Variants in NUDT19 observed in about 807,000 individuals in gnomAD.
NUDT19 encodes nudix hydrolase 19.
NUDT19 carries 31 observed loss-of-function variants against 22.2 expected under a neutral mutation model. The observed-to-expected ratio is 1.40, with a 90% CI of 1.05 to 1.89. NUDT19 has a LOEUF of 1.89. Among genes scored for constraint, NUDT19 ranks in the 40% most tolerant of loss-of-function variants. NUDT19 has a pLI of 0.00. For synonymous variants in NUDT19, 325 were observed against 230.8 expected (o/e 1.41, Z -3.70); for missense variants, 752 against 514.2 (o/e 1.46, Z -4.47).
chr19:32,695,645 C>G (rs1284549709), intron 1 of NUDT19, among the ~76,000 whole-genome samples: 4 of 152,170 alleles, frequency 2.6e-5, no homozygotes, highest in African/African-American at 7.2e-5. Flanking sequence ...CTGCCGTTCT[C>G]CCTTCTCCTT....
At chr19:32,710,880 C>T (rs137986717) in intron 2 of NUDT19, among the ~76,000 whole-genome samples, 1,535 of 144,822 alleles carry the variant, frequency 0.011, 27 homozygotes, top group African/African-American at 0.038. Context: ...GCAACAAGAG[C>T]GAAACTCCAT....
At chr19:32,698,079 G>C (rs1408624329) in intron 1 of NUDT19, among the ~76,000 whole-genome samples, 1 of 152,224 alleles carries the variant, frequency 6.6e-6, no homozygotes, top group Non-Finnish European at 1.5e-5. Flanking sequence ...ATGGAGGTAA[G>C]CTGAGAGGTC....
rs781684053 is a variant in NUDT19 at position 32,692,180 on chromosome 19, G to T, written c.220G>T (p.Ala74Ser). 6.4e-7 allele frequency: 1 copy of T among 1,551,700 alleles called. No homozygotes were observed. Among genetic ancestry groups the T allele is most frequent in the Non-Finnish European group, 8.6e-7 (1 of 1,159,872 alleles). ...GGVLDAADRSADWLGLFAPHH... is the reference protein window; with the variant it reads ...GGVLDAADRSSDWLGLFAPHH... ...AGTGCTGGATGCGGCCGACCGCTCGGCGGACTGGCTGGGCCTCTTCGCGCC... is the reference window on the plus strand; with the variant it reads ...AGTGCTGGATGCGGCCGACCGCTCGTCGGACTGGCTGGGCCTCTTCGCGCC... Residue 74 changes from alanine to serine, a missense_variant, in exon 1 of 3, where the codon GCG (alanine) becomes TCG (serine). Ala to Ser is a moderately conservative substitution (Grantham distance 99). Transcript: ENST00000397061.
chr19:32,696,084 A>G (rs1270380650), intron 1 of NUDT19, among the ~76,000 whole-genome samples: 1 of 152,206 alleles, frequency 6.6e-6, no homozygotes, highest in Non-Finnish European at 1.5e-5. Flanking sequence ...AGTCTGGACT[A>G]CTACCTGTTG....
In NUDT19 at chr19:32,712,002, G is replaced by T; in HGVS notation, c.*45G>T. On this transcript the variant is annotated 3_prime_UTR_variant, in exon 3 of 3. Transcript: ENST00000397061. ...AAAATGGCCTACTTGAAGTCCTCAT[G>T]AATAATGAGGGTTGACTTTCATTTG... is the stretch of plus-strand genomic sequence containing the variant. 1.1e-5 allele frequency: 13 copies of T among 1,190,818 alleles called. No individual in the cohort carries two copies. Among genetic ancestry groups the T allele is most frequent in the Non-Finnish European group, 1.5e-5 (12 of 798,024 alleles). 73.8% of individuals were successfully genotyped at this position (1,190,818 alleles called of 1,614,324 possible). A position where few individuals can be genotyped will look rare whatever the true frequency, so the allele number is the denominator to read the frequency against.
intron 1 of NUDT19, among the ~76,000 whole-genome samples, chr19:32,698,494 G>A (rs1177377584): frequency 2.6e-5 from 4 of 152,140 alleles, no homozygotes; most frequent in Non-Finnish European, 5.9e-5. Context: ...CGGAATAGTT[G>A]TGCTCACCAA....
chr19:32,700,988 T>C (rs142812286), intron 1 of NUDT19, among the ~76,000 whole-genome samples: 1,645 of 151,272 alleles, frequency 0.011, 39 homozygotes, highest in African/African-American at 0.038. Flanking sequence ...TGCAGTGAGC[T>C]ATGATCACAC....
chr19:32,704,625 T>C (rs893580788), intron 1 of NUDT19, among the ~76,000 whole-genome samples: 3 of 152,240 alleles, frequency 2.0e-5, no homozygotes, highest in Non-Finnish European at 2.9e-5. Context: ...TTTACAGCAT[T>C]GTTTTTAATG....
rs747183723 is a variant in NUDT19 at position 32,709,223 on chromosome 19, A to G, written c.753A>G (p.Ser251=). The change falls in exon 2 of 3, where the codon TCA becomes TCG. Residue 251 remains serine, a synonymous_variant. Coordinates refer to ENST00000397061, the MANE Select transcript of NUDT19 (RefSeq NM_001105570.2). The stretch of plus-strand genomic sequence containing the variant: ...CAGAGGCAACTGAAAGTTTCTTATC[A>G]AAAGAAATTTGGTTGCCACCCCCAC... The part of the protein sequence containing the change: ...SPSEATESFL[S]KEIWLPPPQF... 6.2e-6 allele frequency: 10 copies of G among 1,613,924 alleles called. No homozygotes were observed. The Admixed American group carries it at 1.3e-4, about 22-fold the overall frequency.
chr19:32,695,842 C>T (rs554833643), intron 1 of NUDT19, among the ~76,000 whole-genome samples: 2 of 152,362 alleles, frequency 1.3e-5, no homozygotes, highest in East Asian at 1.9e-4. Context: ...TCTGTATACA[C>T]GTTTTTTCTT....
At chr19:32,697,549 A>T (rs1968278973) in intron 1 of NUDT19, among the ~76,000 whole-genome samples, 1 of 151,800 alleles carries the variant, frequency 6.6e-6, no homozygotes, top group African/African-American at 2.4e-5. Flanking sequence ...GATGTTTACG[A>T]CTCCAGTCCC....
rs187420283 is a variant in NUDT19 at position 32,712,486 on chromosome 19, A to G, written c.*529A>G. 1.9e-3 allele frequency: 244 copies of G among 125,494 alleles called. No individual in the cohort carries two copies. The highest frequency in any genetic ancestry group is 6.8e-3 in the Admixed American group (71 of 10,468). The allele number at this position is 125,494 out of a possible 1,614,324, so 7.8% of individuals were successfully genotyped here. ...CGGCTCACTGCAACCTCCACCTCCC[A>G]GGTTCCAGCGATTCTCATGCCTCAG... On this transcript the variant is annotated 3_prime_UTR_variant, in exon 3 of 3. Coordinates refer to ENST00000397061, the MANE Select transcript of NUDT19 (RefSeq NM_001105570.2).
At position 32,709,176 on chromosome 19, in the gene NUDT19, C is replaced by T. The variant is rs1968418962; in HGVS notation, c.715-9C>T. 1.2e-6 allele frequency: 2 copies of T among 1,604,320 alleles called. 1 individual carries two copies. Among genetic ancestry groups the T allele is most frequent in the South Asian group, 2.2e-5 (2 of 90,808 alleles). On this transcript the variant is annotated splice_polypyrimidine_tract_variant and intron_variant, in intron 1 of 2. Coordinates refer to ENST00000397061, the MANE Select transcript of NUDT19 (RefSeq NM_001105570.2). ...AAACCTTAAGAAACCCTGCCTTTGTCTTTCACAGTGGTCATCTCCATCAGA... is the reference window on the plus strand; with the variant it reads ...AAACCTTAAGAAACCCTGCCTTTGTTTTTCACAGTGGTCATCTCCATCAGA...
intron 1 of NUDT19, among the ~76,000 whole-genome samples, chr19:32,698,560 T>C (rs919285707): frequency 6.6e-6 from 1 of 152,126 alleles, no homozygotes; most frequent in African/African-American, 2.4e-5. Context: ...CGGACCCTGC[T>C]GATTGGAGTA....
intron 2 of NUDT19, 89 bp from the exon 3 acceptor site, chr19:32,711,663 T>C: frequency 1.4e-6 from 1 of 724,436 alleles, no homozygotes; most frequent in Non-Finnish European, 2.3e-6. Context: ...TATAAAATAA[T>C]ACTCGATGGA....
chr19:32,699,009 C>T (rs1157020713), intron 1 of NUDT19, among the ~76,000 whole-genome samples: 1 of 152,180 alleles, frequency 6.6e-6, no homozygotes, highest in Non-Finnish European at 1.5e-5. Flanking sequence ...AGGAAGGATA[C>T]AATTTCTGAG....
rs1968422308 is a variant in NUDT19, at chr19:32,709,373, G to C, written c.903G>C (p.Gly301=). The C allele has an allele frequency of 6.2e-7, 1 of 1,613,980 alleles. No individual in the cohort carries two copies. Among genetic ancestry groups the C allele is most frequent in the African/African-American group, 1.3e-5 (1 of 75,030 alleles). ...WLPIILLTAD[G]MVHLLPGDEL... Reference sequence around the variant, plus strand: ...CGATCATCTTGTTAACTGCTGATGGGATGGTCCATCTTTTACCAGGTAAAC... The same window carrying C: ...CGATCATCTTGTTAACTGCTGATGGCATGGTCCATCTTTTACCAGGTAAAC... Residue 301 remains glycine (G), a synonymous_variant, in exon 2 of 3, where the codon GGG becomes GGC. Coordinates refer to ENST00000397061, the MANE Select transcript of NUDT19 (RefSeq NM_001105570.2).
At chr19:32,706,271 T>C (rs976104352) in intron 1 of NUDT19, among the ~76,000 whole-genome samples, 2 of 152,224 alleles carry the variant, frequency 1.3e-5, no homozygotes, top group Admixed American at 1.3e-4. Context: ...TCTCTTTCCA[T>C]GGTTTGAGTT....
intron 1 of NUDT19, among the ~76,000 whole-genome samples, chr19:32,702,534 G>T (rs1968346454): frequency 6.6e-6 from 1 of 152,146 alleles, no homozygotes; most frequent in South Asian, 2.1e-4. Flanking sequence ...CTTGAACCCA[G>T]GAGGCAGCGG....
Sources: allele counts gnomAD v4.1 joint callset (sites outside exome capture counted in the v4.1 genomes callset), GRCh38; gene constraint gnomAD v4.1.1; transcripts MANE v1.5; gene names NCBI Gene and HGNC (gene_info 2026-07-23, HGNC 2026-07-21).